The following VCAN variants were observed in gnomAD, a reference collection of about 807,000 sequenced individuals.
VCAN encodes versican core protein.
Under a neutral mutation model 245.5 loss-of-function variants are expected in VCAN, and 44 were observed. The observed-to-expected ratio is 0.18, with a 90% CI of 0.14 to 0.23. The LOEUF (loss-of-function observed/expected upper bound fraction) is 0.23, where lower values mean the gene tolerates loss of function less well. Among genes scored for constraint, VCAN ranks in the 10% least tolerant of loss-of-function variants. VCAN has a pLI of 1.00. For synonymous variants in VCAN, 1,413 were observed against 1,437.0 expected, an observed-to-expected ratio of 0.98 and a Z score of 0.38; for missense variants, 3,793 against 4,057.9, an observed-to-expected ratio of 0.93 and a Z score of 1.77.
chr5:83,576,075 A>G (rs957993611), intron 13 of VCAN, among the ~76,000 whole-genome samples: 4 of 152,134 alleles, frequency 2.6e-5, no homozygotes, highest in African/African-American at 9.7e-5. Flanking sequence ...ACATACTTGT[A>G]ACGATTTATA....
chr5:83,552,712 A>G (rs1747515976), intron 10 of VCAN, among the ~76,000 whole-genome samples: 1 of 152,146 alleles, frequency 6.6e-6, no homozygotes, highest in Non-Finnish European at 1.5e-5. Context: ...AAATAATTTA[A>G]TTTATTTCAT....
At chr5:83,535,729 T>A (rs763820238) in intron 7 of VCAN, 1 of 152,182 alleles carries the variant, frequency 6.6e-6, no homozygotes. Flanking sequence ...GATGATAGGT[T>A]GGGAAGCAGG....
At chr5:83,569,992 G>T (rs1315218816) in intron 12 of VCAN, among the ~76,000 whole-genome samples, 1 of 151,834 alleles carries the variant, frequency 6.6e-6, no homozygotes, top group African/African-American at 2.4e-5. Context: ...TAAAAAGGAG[G>T]CTTGGCGAGT....
At chr5:83,507,020 C>A (rs960484306) in intron 5 of VCAN, among the ~76,000 whole-genome samples, 2 of 152,256 alleles carry the variant, frequency 1.3e-5, no homozygotes, top group African/African-American at 4.8e-5. Context: ...TTGGGAGATA[C>A]AATTCAAGCT....
At chr5:83,565,906 G>GAA (rs34205964) in intron 12 of VCAN, among the ~76,000 whole-genome samples, 10,754 of 147,888 alleles carry the variant, frequency 0.073, 506 homozygotes, top group South Asian at 0.18. Flanking sequence ...TTAACACAAG[G>GAA]AAAAAAAAAC....
At chr5:83,527,042 G>A (rs1426591475) in intron 7 of VCAN, among the ~76,000 whole-genome samples, 1 of 152,164 alleles carries the variant, frequency 6.6e-6, no homozygotes, top group East Asian at 1.9e-4. Flanking sequence ...TCTCTCTCCT[G>A]ATGAGCTCTG....
chr5:83,485,596 A>G (rs999284551), intron 2 of VCAN, among the ~76,000 whole-genome samples: 1 of 152,246 alleles, frequency 6.6e-6, no homozygotes, highest in East Asian at 1.9e-4. Context: ...TAGCCTGTGC[A>G]TGAAATGGGG....
At chr5:83,573,463 C>T (rs1484593079) in intron 13 of VCAN, among the ~76,000 whole-genome samples, 1 of 151,668 alleles carries the variant, frequency 6.6e-6, no homozygotes, top group Non-Finnish European at 1.5e-5. Flanking sequence ...GTGTCCCAAT[C>T]CTGAAAGACA....
chr5:83,474,993 A>G (rs1479427405), intron 1 of VCAN, among the ~76,000 whole-genome samples: 2 of 152,100 alleles, frequency 1.3e-5, no homozygotes, highest in Admixed American at 6.6e-5. Context: ...ACCGTATTCC[A>G]TTTGTTGACT....
intron 10 of VCAN, among the ~76,000 whole-genome samples, chr5:83,549,162 A>G (rs933483145): frequency 4.6e-5 from 7 of 152,236 alleles, no homozygotes; most frequent in Admixed American, 3.3e-4. Flanking sequence ...TATGTTAAAC[A>G]TGATTCTGGC....
intron 13 of VCAN, among the ~76,000 whole-genome samples, chr5:83,579,543 A>G (rs1019381473): frequency 2.6e-5 from 4 of 152,186 alleles, no homozygotes; most frequent in African/African-American, 7.2e-5. Flanking sequence ...GATTACAGGC[A>G]TAAGCCACTG....
chr5:83,490,509 A>G (rs1744947889), intron 3 of VCAN, 37 bp downstream of exon 3: 3 of 1,611,432 alleles, frequency 1.9e-6, no homozygotes, highest in South Asian at 1.1e-5. Context: ...GTAGTATAAC[A>G]TGACACCTGG....
chr5:83,541,060 T>A lies in VCAN; in HGVS notation c.8057T>A (p.Leu2686Ter). The change falls in exon 8 of 15, where the codon TTA (leucine) becomes TAA (stop). Residue 2686 changes from leucine to a stop codon, truncating the protein, a stop_gained. Coordinates refer to ENST00000265077, the MANE Select transcript of VCAN (RefSeq NM_004385.5). LOFTEE classifies it high-confidence loss of function. ...APSTETELDV[L>*]LPTATSLPIP... ...AGCACAGAAACAGAATTAGACGTTTTACTTCCCACGGCAACATCCCTGCCA... is the reference window on the plus strand; with the variant it reads ...AGCACAGAAACAGAATTAGACGTTTAACTTCCCACGGCAACATCCCTGCCA... The A allele has an allele frequency of 6.2e-7, 1 of 1,614,092 alleles. No homozygotes were observed. The highest frequency in any genetic ancestry group is 8.5e-7 in the Non-Finnish European group (1 of 1,179,990).
chr5:83,520,983 G>A lies in VCAN; in HGVS notation c.2677G>A (p.Glu893Lys). ...GCCAACTACATCAACTGGTATTGCA[G>A]AAAAGTCAACTTTGAGAGATTCTAC... ...FQPTTSTGIAEKSTLRDSTTE... is the reference protein window; with the variant it reads ...FQPTTSTGIAKKSTLRDSTTE... The change falls in exon 7 of 15, where the codon GAA becomes AAA. Residue 893 changes from glutamate (E) to lysine (K), a missense_variant. This residue lies in a region of VCAN where 3,182 missense variants were observed against 3,250.3 expected (regional missense o/e 0.98). Coordinates refer to ENST00000265077, the MANE Select transcript of VCAN (RefSeq NM_004385.5). 6.2e-7 allele frequency: 1 copy of A among 1,614,012 alleles called. No homozygotes were observed. The highest frequency in any genetic ancestry group is 8.5e-7 in the Non-Finnish European group (1 of 1,179,962).
chr5:83,499,609 C>T (rs1417348193), intron 5 of VCAN, among the ~76,000 whole-genome samples: 2 of 150,178 alleles, frequency 1.3e-5, no homozygotes, highest in East Asian at 3.9e-4. Context: ...TTTCTCCTCT[C>T]ACTCTTTTCT....
intron 8 of VCAN, 145 bp downstream of exon 8, chr5:83,542,413 A>G: frequency 1.1e-6 from 1 of 870,488 alleles, no homozygotes; most frequent in Non-Finnish European, 1.8e-6. Context: ...AGGCCACAGT[A>G]TTGAGTTCAT....
chr5:83,502,155 C>T (rs1745348093), intron 5 of VCAN, among the ~76,000 whole-genome samples: 1 of 152,112 alleles, frequency 6.6e-6, no homozygotes, highest in Non-Finnish European at 1.5e-5. Context: ...CCTTGCTGAA[C>T]TTGCCTCTTC....
At chr5:83,479,481 A>C (rs1033042117) in intron 1 of VCAN, among the ~76,000 whole-genome samples, 1 of 152,138 alleles carries the variant, frequency 6.6e-6, no homozygotes, top group Non-Finnish European at 1.5e-5. Flanking sequence ...TGGATTGTTC[A>C]ATGACTTTCT....
Position 83,580,168 on chromosome 5 carries a change from T to C in VCAN, c.10063+6T>C, listed in dbSNP as rs1048684569. 1 of 1,613,938 alleles carries C rather than the reference T, an allele frequency of 6.2e-7. No individual in the cohort carries two copies. The highest frequency in any genetic ancestry group is 1.3e-5 in the African/African-American group (1 of 74,894). On this transcript the variant is annotated splice_donor_region_variant and intron_variant, in intron 14 of 14. Coordinates refer to ENST00000265077, the MANE Select transcript of VCAN (RefSeq NM_004385.5). ...TAAAATTACCTGCATGAACCGTAAG[T>C]GGTCCTTTAGAAAGAATGGACTACC...
Sources: allele counts gnomAD v4.1 joint callset (sites outside exome capture counted in the v4.1 genomes callset), GRCh38; gene constraint gnomAD v4.1.1; regional missense constraint gnomAD v4.1.1; transcripts MANE v1.5; gene names NCBI Gene and HGNC (gene_info 2026-07-23, HGNC 2026-07-21).